SNX33: variants seen among roughly 807,000 people sequenced by gnomAD.
SNX33 encodes sorting nexin-33.
In SNX33, 19 loss-of-function variants were observed where a neutral mutation model predicts 38.8. That is an observed-to-expected ratio of 0.49 (90% CI 0.34 to 0.72). The LOEUF is 0.72. Among genes scored for constraint, SNX33 ranks in the 30% least tolerant of loss-of-function variants. The pLI is 0.01. For missense variants in SNX33, 641 were observed against 776.4 expected (o/e 0.83, Z 2.07); for synonymous variants, 246 against 289.7 (o/e 0.85, Z 1.53).
intron 1 of SNX33, among the ~76,000 whole-genome samples, chr15:75,652,063 A>G (rs1893589644): frequency 6.7e-6 from 1 of 149,640 alleles, no homozygotes; most frequent in African/African-American, 2.5e-5. Context: ...GAACTCCAGG[A>G]AACACAAACC....
rs376057576 is a variant in SNX33, at chr15:75,656,915, T to C, written c.1472-47T>C. On this transcript the variant is annotated intron_variant, in intron 1 of 1. Transcript: ENST00000308527. The stretch of plus-strand genomic sequence containing the variant: ...TGCCCTCAAGGGTACAGGGAGCACA[T>C]GGAGATCAGAGCCCTCACACGCTGT... 4.4e-6 allele frequency: 7 copies of C among 1,588,686 alleles called. No homozygotes were observed. The African/African-American group carries it at 5.4e-5, about 12-fold the overall frequency.
Position 75,658,083 on chromosome 15 carries a change from T to A in SNX33, c.*868T>A, listed in dbSNP as rs983890313. 1.3e-5 allele frequency: 2 copies of A among 152,596 alleles called. No homozygotes were observed. Among genetic ancestry groups the A allele is most frequent in the Non-Finnish European group, 2.9e-5 (2 of 68,072 alleles). The allele number at this position is 152,596 out of a possible 1,614,324, so 9.5% of individuals were successfully genotyped here. On this transcript the variant is annotated 3_prime_UTR_variant, in exon 2 of 2. Coordinates refer to ENST00000308527, the MANE Select transcript of SNX33 (RefSeq NM_153271.2). This position sits in a 1 kb window ranked among gnomAD's most constrained non-coding sequence, Gnocchi z 4.1. The stretch of plus-strand genomic sequence containing the variant: ...CCTCCACTTTTGGGCCCTCAGCTTA[T>A]CTCGGGCAGGGGACCATTGCAGCAT...
In SNX33 at chr15:75,648,924, C is replaced by A; in HGVS notation, c.-179C>A. ...GGCAGTTTCTGGGCCATGGACATTG[C>A]TTTGAAGAGGGGGAGACTGGACAGC... On this transcript the variant is annotated 5_prime_UTR_variant, in exon 1 of 2. It introduces an in-frame stop codon into an upstream open reading frame of the 5' UTR. Transcript: ENST00000308527. The surrounding 1 kb of genome is among the most constrained non-coding windows in gnomAD (Gnocchi z 4.4). 1 of 706,784 alleles carries A rather than the reference C, an allele frequency of 1.4e-6. No individual in the cohort carries two copies. Among genetic ancestry groups the A allele is most frequent in the Non-Finnish European group, 2.2e-6 (1 of 462,174 alleles). The allele number at this position is 706,784 out of a possible 1,614,324, so 43.8% of individuals were successfully genotyped here. A position where few individuals can be genotyped will look rare whatever the true frequency, so the allele number is the denominator to read the frequency against.
At position 75,648,405 on chromosome 15, in the gene SNX33, G is replaced by A. The variant is rs1382465617; in HGVS notation, c.-698G>A. ...CGCAGCCGGGGTCGAAGAGTTGGCG[G>A]CCTGTTGTGTAAGCCTCAGTCCTTG... On this transcript the variant is annotated 5_prime_UTR_variant, in exon 1 of 2. Coordinates refer to ENST00000308527, the MANE Select transcript of SNX33 (RefSeq NM_153271.2). This position sits in a 1 kb window ranked among gnomAD's most constrained non-coding sequence, Gnocchi z 4.4. The A allele has an allele frequency of 1.7e-5, 17 of 985,424 alleles. No homozygotes were observed. Among genetic ancestry groups the A allele is most frequent in the Non-Finnish European group, 2.0e-5 (17 of 829,958 alleles). 61.0% of individuals were successfully genotyped at this position (985,424 alleles called of 1,614,324 possible). A position where few individuals can be genotyped will look rare whatever the true frequency, so the allele number is the denominator to read the frequency against.
rs375635568 is a variant in SNX33 at position 75,649,375 on chromosome 15, C to T, written c.273C>T (p.Ala91=). ...GCTTGTACAACAGCCCCAGTGTGGC[C>T]AGCCCAGCTAGGAGTGGTGGGGGCA... ...QVSLYNSPSV[A]SPARSGGGSG... The change falls in exon 1 of 2, where the codon GCC becomes GCT. Residue 91 remains alanine, a synonymous_variant. Coordinates refer to ENST00000308527, the MANE Select transcript of SNX33 (RefSeq NM_153271.2). This position sits in a 1 kb window ranked among gnomAD's most constrained non-coding sequence, Gnocchi z 6.6. 6.4e-7 allele frequency: 1 copy of T among 1,556,020 alleles called. No homozygotes were observed. The highest frequency in any genetic ancestry group is 8.7e-7 in the Non-Finnish European group (1 of 1,148,546).
At chr15:75,656,937 C>T (rs1893658934) in intron 1 of SNX33, 25 bp from the exon 2 acceptor site, 1 of 1,603,188 alleles carries the variant, frequency 6.2e-7, no homozygotes. Flanking sequence ...CCCTCACACG[C>T]TGTCCTCTGC....
chr15:75,655,378 C>G (rs537080338), intron 1 of SNX33, among the ~76,000 whole-genome samples: 1 of 152,286 alleles, frequency 6.6e-6, no homozygotes, highest in South Asian at 2.1e-4. Flanking sequence ...CTTCTGCTGC[C>G]CAGGGCTGGG....
chr15:75,657,589 G>T lies in SNX33; in HGVS notation c.*374G>T. On this transcript the variant is annotated 3_prime_UTR_variant, in exon 2 of 2. Coordinates refer to ENST00000308527, the MANE Select transcript of SNX33 (RefSeq NM_153271.2). The surrounding 1 kb of genome is among the most constrained non-coding windows in gnomAD (Gnocchi z 5.5). ...ACACCGAGGCCTGCTGCACCCTTGG[G>T]TCGGATGCTGGGCACCCAGGGCTGT... 1 of 303,816 alleles carries T rather than the reference G, an allele frequency of 3.3e-6. No homozygotes were observed. Among genetic ancestry groups the T allele is most frequent in the Non-Finnish European group, 6.4e-6 (1 of 156,370 alleles). The allele number at this position is 303,816 out of a possible 1,614,324, so 18.8% of individuals were successfully genotyped here. A position where few individuals can be genotyped will look rare whatever the true frequency, so the allele number is the denominator to read the frequency against.
chr15:75,649,305 C>T lies in SNX33; in HGVS notation c.203C>T (p.Ala68Val). 1 of 1,604,620 alleles carries T rather than the reference C, an allele frequency of 6.2e-7. No homozygotes were observed. The highest frequency in any genetic ancestry group is 1.1e-5 in the South Asian group (1 of 89,920). Residue 68 changes from alanine (A) to valine (V), a missense_variant, in exon 1 of 2, where the codon GCT becomes GTT. This residue lies in a region of SNX33 where 243 missense variants were observed against 233.9 expected (regional missense o/e 1.04). Coordinates refer to ENST00000308527, the MANE Select transcript of SNX33 (RefSeq NM_153271.2). This position sits in a 1 kb window ranked among gnomAD's most constrained non-coding sequence, Gnocchi z 6.6. ...CGTTCTGGCATCAGCACCAACCATG[C>T]TGACTACTCCAGCAGCCCTGCAGGC... Reference protein sequence around the residue: ...IVRSGISTNHADYSSSPAGSP... With the variant: ...IVRSGISTNHVDYSSSPAGSP...
At position 75,656,971 on chromosome 15, in the gene SNX33, C is replaced by T; in HGVS notation, c.1481C>T (p.Ala494Val). ...DIIHLQKGAF[A>V]KVKESQRMSD... ...GCTCTGCCTATGCCAGGCGCCTTCG[C>T]CAAGGTGAAGGAGAGCCAACGCATG... Residue 494 changes from alanine (A) to valine (V), a missense_variant, in exon 2 of 2, where the codon GCC becomes GTC. Physicochemically the swap from Ala to Val is moderately conservative, Grantham distance 64. Transcript: ENST00000308527. 6.2e-7 allele frequency: 1 copy of T among 1,612,744 alleles called. No homozygotes were observed. Among genetic ancestry groups the T allele is most frequent in the Non-Finnish European group, 8.5e-7 (1 of 1,179,062 alleles).
At position 75,649,878 on chromosome 15, in the gene SNX33, C is replaced by T; in HGVS notation, c.776C>T (p.Ala259Val). ...TCCTACAAGCTCACACCCACCCATG[C>T]TGCCTCACCCGTCTACCGGCGCTAC... ...YISYKLTPTHAASPVYRRYKH... is the reference protein window; with the variant it reads ...YISYKLTPTHVASPVYRRYKH... The change falls in exon 1 of 2, where the codon GCT becomes GTT. Residue 259 changes from alanine to valine, a missense_variant. This residue lies in a region of SNX33 where 398 missense variants were observed against 542.5 expected (regional missense o/e 0.73). Coordinates refer to ENST00000308527, the MANE Select transcript of SNX33 (RefSeq NM_153271.2). The surrounding 1 kb of genome is among the most constrained non-coding windows in gnomAD (Gnocchi z 6.6). 1 of 1,542,830 alleles carries T rather than the reference C, an allele frequency of 6.5e-7. No individual in the cohort carries two copies. The highest frequency in any genetic ancestry group is 8.7e-7 in the Non-Finnish European group (1 of 1,147,436).
At position 75,660,822 on chromosome 15, in the gene SNX33, G is replaced by A. The variant is rs1893714955; in HGVS notation, c.*3607G>A. 6.6e-6 allele frequency: 1 copy of A among 152,368 alleles called. No homozygotes were observed. The highest frequency in any genetic ancestry group is 1.9e-4 in the East Asian group (1 of 5,166). 9.4% of individuals were successfully genotyped at this position (152,368 alleles called of 1,614,324 possible). A position where few individuals can be genotyped will look rare whatever the true frequency, so the allele number is the denominator to read the frequency against. On this transcript the variant is annotated 3_prime_UTR_variant, in exon 2 of 2. Transcript: ENST00000308527. ...TCCCCACCTCATCAGAGATTAAGGA[G>A]AGCTTTGCTTGGAGACACCACCCCT...
chr15:75,650,058 G>A lies in SNX33; in HGVS notation c.956G>A (p.Ser319Asn), dbSNP rs1390568302. 6.2e-7 allele frequency: 1 copy of A among 1,613,128 alleles called. No individual in the cohort carries two copies. The highest frequency in any genetic ancestry group is 8.5e-7 in the Non-Finnish European group (1 of 1,179,620). ...ATCCTCTGGATGGACCACATGACCA[G>A]CCACCCTGTGCTCTCCCAGTACGAA... ...RLILWMDHMT[S>N]HPVLSQYEGF... The change falls in exon 1 of 2, where the codon AGC becomes AAC. Residue 319 changes from serine (S) to asparagine (N), a missense_variant. Ser to Asn is a conservative substitution (Grantham distance 46). This residue lies in a region of SNX33 where 398 missense variants were observed against 542.5 expected (regional missense o/e 0.73). Coordinates refer to ENST00000308527, the MANE Select transcript of SNX33 (RefSeq NM_153271.2). The surrounding 1 kb of genome is among the most constrained non-coding windows in gnomAD (Gnocchi z 6.1).
chr15:75,656,708 T>C (rs1893655974), intron 1 of SNX33, among the ~76,000 whole-genome samples: 1 of 152,172 alleles, frequency 6.6e-6, no homozygotes, highest in Non-Finnish European at 1.5e-5. Flanking sequence ...CAAGCAGGGC[T>C]GTGACTGGTC....
intron 1 of SNX33, among the ~76,000 whole-genome samples, chr15:75,651,018 T>C (rs1266731552): frequency 6.6e-6 from 1 of 152,240 alleles, no homozygotes; most frequent in Non-Finnish European, 1.5e-5. Context: ...ATTCATTTTC[T>C]CTGTTTGCAT....
chr15:75,651,896 G>C (rs1893585653), intron 1 of SNX33, among the ~76,000 whole-genome samples: 1 of 152,224 alleles, frequency 6.6e-6, no homozygotes, highest in African/African-American at 2.4e-5. Flanking sequence ...GGGAGGGCCT[G>C]GGGTAAGCTG....
At chr15:75,652,816 C>A (rs1893601447) in intron 1 of SNX33, among the ~76,000 whole-genome samples, 1 of 152,216 alleles carries the variant, frequency 6.6e-6, no homozygotes, top group Non-Finnish European at 1.5e-5. Context: ...TGAGACAGAA[C>A]TGGACAGGCT....
At position 75,658,869 on chromosome 15, in the gene SNX33, CTT is replaced by C. The variant is rs1893688739; in HGVS notation, c.*1655_*1656del. 1 of 152,284 alleles carries C rather than the reference CTT, an allele frequency of 6.6e-6. No homozygotes were observed. Among genetic ancestry groups the C allele is most frequent in the South Asian group, 2.1e-4 (1 of 4,824 alleles). 9.4% of individuals were successfully genotyped at this position (152,284 alleles called of 1,614,324 possible). On this transcript the variant is annotated 3_prime_UTR_variant, in exon 2 of 2. Coordinates refer to ENST00000308527, the MANE Select transcript of SNX33 (RefSeq NM_153271.2). The surrounding 1 kb of genome is among the most constrained non-coding windows in gnomAD (Gnocchi z 4.1). ...GATCCATCCCTCCCTAGAACGCACT[CTT>C]GTCTCTAAAACAGGTGGAGTGCTGC...
rs1315636435 is a variant in SNX33, at chr15:75,661,327, C to T, written c.*4112C>T. ...CCGCCTGCCCGCTGACTCAGGCCTC[C>T]AGGAGCCAAGCCTGCTCAGCTCCCC... On this transcript the variant is annotated 3_prime_UTR_variant, in exon 2 of 2. Transcript: ENST00000308527. The surrounding 1 kb of genome is among the most constrained non-coding windows in gnomAD (Gnocchi z 4.5). The T allele has an allele frequency of 6.6e-6, 1 of 151,992 alleles. No homozygotes were observed. The highest frequency in any genetic ancestry group is 2.4e-5 in the African/African-American group (1 of 41,304). The allele number at this position is 151,992 out of a possible 1,614,324, so 9.4% of individuals were successfully genotyped here.
Sources: gnomAD v4.1 joint callset for allele counts (sites outside exome capture counted in the v4.1 genomes callset) on GRCh38, gnomAD v4.1.1 for gene constraint, gnomAD v4.1.1 regional missense constraint, Gnocchi (gnomAD v3.1) non-coding constraint, MANE v1.5 for transcripts, NCBI Gene and HGNC (gene_info 2026-07-23, HGNC 2026-07-21) for gene names.